The following FHIP1A variants were observed in gnomAD, a reference collection of about 807,000 sequenced individuals.
FHIP1A encodes FHF complex subunit HOOK interacting protein 1A.
In FHIP1A, 61 loss-of-function variants were observed where a neutral mutation model predicts 88.6. The observed-to-expected ratio is 0.69, with a 90% CI of 0.56 to 0.85. The LOEUF (loss-of-function observed/expected upper bound fraction) is 0.85. Among genes scored for constraint, FHIP1A ranks in the 40% least tolerant of loss-of-function variants. The pLI, the probability that FHIP1A is intolerant of heterozygous loss-of-function variation, is 0.00. For synonymous variants in FHIP1A, 478 were observed against 496.0 expected (o/e 0.96, Z 0.48); for missense variants, 1,154 against 1,273.5 (o/e 0.91, Z 1.43).
Position 151,577,685 on chromosome 4 carries a change from C to T in FHIP1A, c.341C>T (p.Thr114Ile), listed in dbSNP as rs1234148790. The T allele has an allele frequency of 6.4e-7, 1 of 1,551,592 alleles. No homozygotes were observed. Among genetic ancestry groups the T allele is most frequent in the African/African-American group, 1.4e-5 (1 of 73,108 alleles). ...WSLRREFTDETKIEQLKMYEM... is the reference protein window; with the variant it reads ...WSLRREFTDEIKIEQLKMYEM... Reference sequence around the variant, plus strand: ...TTGAGAAGGGAGTTTACTGATGAGACTAAAATTGAGCAGCTAAAGATGTAT... The same window carrying T: ...TTGAGAAGGGAGTTTACTGATGAGATTAAAATTGAGCAGCTAAAGATGTAT... The change falls in exon 5 of 14, where the codon ACT (threonine) becomes ATT (isoleucine). Residue 114 changes from threonine (T) to isoleucine (I), a missense_variant. Transcript: ENST00000435205.
rs56199696 is a variant in FHIP1A, at chr4:151,445,849, A to AATATAT, written c.-355-8833_-355-8828dup. On this transcript the variant is annotated intron_variant, in intron 1 of 13. Transcript: ENST00000435205. Reference sequence around the variant, plus strand: ...CAGCCTGAGAGACCTCATCTCTTAAAATATATATATATATATATATATATT... The same window carrying AATATAT: ...CAGCCTGAGAGACCTCATCTCTTAAAATATATATATATATATATATATATATATATT... Among the ~76,000 whole-genome samples, 564 of 97,994 alleles carry AATATAT rather than the reference A, an allele frequency of 5.8e-3. 29 individuals are homozygous for AATATAT. The highest frequency in any genetic ancestry group is 8.4e-3 in the Admixed American group (81 of 9,628). 64.3% of individuals were successfully genotyped at this position (97,994 alleles called of 152,430 possible). A position where few individuals can be genotyped will look rare whatever the true frequency, so the allele number is the denominator to read the frequency against.
chr4:151,577,700 TAAAG>T lies in FHIP1A; in HGVS notation c.358_361del (p.Lys120CysfsTer20), dbSNP rs1395087669. 1 of 1,551,658 alleles carries T rather than the reference TAAAG, an allele frequency of 6.4e-7. No homozygotes were observed. The highest frequency in any genetic ancestry group is 8.7e-7 in the Non-Finnish European group (1 of 1,146,980). On this transcript the variant is annotated frameshift_variant, in exon 5 of 14. Transcript: ENST00000435205. LOFTEE classifies it high-confidence loss of function. ...ACTGATGAGACTAAAATTGAGCAGC[TAAAG>T]ATGTATGAGATGTTGGTCACCCAGT... is the stretch of plus-strand genomic sequence containing the variant.
chr4:151,659,769 A>ACCT (rs1271089171), intron 13 of FHIP1A, among the ~76,000 whole-genome samples: 1 of 151,606 alleles, frequency 6.6e-6, no homozygotes, highest in African/African-American at 2.4e-5. Context: ...CATTCCCTTC[A>ACCT]CCTCCTGGCA....
At chr4:151,525,502 G>T (rs1317671704) in intron 3 of FHIP1A, among the ~76,000 whole-genome samples, 4 of 152,222 alleles carry the variant, frequency 2.6e-5, no homozygotes, top group Non-Finnish European at 5.9e-5. Context: ...TGAATTGGAA[G>T]TATTGGGGGA....
chr4:151,629,165 G>A (rs765561736), intron 7 of FHIP1A, among the ~76,000 whole-genome samples: 2 of 152,038 alleles, frequency 1.3e-5, no homozygotes, highest in African/African-American at 2.4e-5. Flanking sequence ...GAAACACATC[G>A]GAACATCTGT....
intron 6 of FHIP1A, among the ~76,000 whole-genome samples, chr4:151,588,044 T>G (rs931174677): frequency 2.6e-5 from 4 of 152,144 alleles, no homozygotes; most frequent in African/African-American, 9.6e-5. Context: ...TTTTCTTCTT[T>G]TTTTAAAGAA....
rs779263864 is a variant in FHIP1A at position 151,638,762 on chromosome 4, T to C, written c.1226+6T>C. The C allele has an allele frequency of 1.3e-6, 2 of 1,519,182 alleles. No homozygotes were observed. The highest frequency in any genetic ancestry group is 2.5e-5 in the East Asian group (1 of 40,504). 94.1% of individuals were successfully genotyped at this position (1,519,182 alleles called of 1,614,324 possible). Reference sequence around the variant, plus strand: ...ATGTTACAGCTAGTTCTAAGGTGAGTTGCCTTTTTTGTTTCCTTTAAAGAA... The same window carrying C: ...ATGTTACAGCTAGTTCTAAGGTGAGCTGCCTTTTTTGTTTCCTTTAAAGAA... On this transcript the variant is annotated splice_donor_region_variant and intron_variant, in intron 9 of 13. Transcript: ENST00000435205.
intron 3 of FHIP1A, among the ~76,000 whole-genome samples, chr4:151,517,286 A>AT (rs1553948792): frequency 2.0e-5 from 3 of 150,740 alleles, no homozygotes; most frequent in Non-Finnish European, 4.4e-5. Context: ...GGAACATCAC[A>AT]TCTGGGGACT....
At chr4:151,477,457 G>A (rs1476580557) in intron 2 of FHIP1A, among the ~76,000 whole-genome samples, 3 of 151,990 alleles carry the variant, frequency 2.0e-5, no homozygotes, top group Non-Finnish European at 4.4e-5. Context: ...ATGTACATAC[G>A]GCCCTTCTAA....
chr4:151,423,207 G>C (rs1255491484), intron 1 of FHIP1A, among the ~76,000 whole-genome samples: 2 of 152,154 alleles, frequency 1.3e-5, no homozygotes, highest in African/African-American at 4.8e-5. Context: ...TGCTTTAAGA[G>C]AAATGCCAGC....
At chr4:151,560,962 G>A (rs1322021354) in intron 3 of FHIP1A, among the ~76,000 whole-genome samples, 1 of 151,996 alleles carries the variant, frequency 6.6e-6, no homozygotes, top group African/African-American at 2.4e-5. Context: ...ATTTCAGATA[G>A]GAATTTGAAT....
intron 3 of FHIP1A, among the ~76,000 whole-genome samples, chr4:151,528,029 A>G (rs951529772): frequency 6.6e-6 from 1 of 152,166 alleles, no homozygotes; most frequent in African/African-American, 2.4e-5. Flanking sequence ...TATTTCTCAT[A>G]GCTTATTGAA....
At chr4:151,632,071 C>G (rs1254831304) in intron 8 of FHIP1A, among the ~76,000 whole-genome samples, 1 of 151,944 alleles carries the variant, frequency 6.6e-6, no homozygotes, top group Non-Finnish European at 1.5e-5. Flanking sequence ...GATCTAAGAA[C>G]ATGCATAAGC....
At chr4:151,534,718 C>G (rs533063958) in intron 3 of FHIP1A, 1 of 152,230 alleles carries the variant, frequency 6.6e-6, no homozygotes, top group East Asian at 1.9e-4. Flanking sequence ...AATCCAAGAA[C>G]AAGTTAATCC....
intron 3 of FHIP1A, among the ~76,000 whole-genome samples, chr4:151,539,334 C>A (rs1040909229): frequency 6.6e-6 from 1 of 152,122 alleles, no homozygotes; most frequent in African/African-American, 2.4e-5. Context: ...GTAATCCCAG[C>A]GCTTTGGGAG....
At chr4:151,618,273 C>T (rs189969297) in intron 7 of FHIP1A, among the ~76,000 whole-genome samples, 23 of 152,296 alleles carry the variant, frequency 1.5e-4, no homozygotes, top group Admixed American at 4.6e-4. Context: ...TTGAGATTAG[C>T]ACTTAGTTTT....
intron 11 of FHIP1A, among the ~76,000 whole-genome samples, chr4:151,655,058 T>C (rs1737180043): frequency 6.6e-6 from 1 of 152,248 alleles, no homozygotes; most frequent in African/African-American, 2.4e-5. Context: ...GGTTTTACTC[T>C]CTTATGCTAC....
At chr4:151,586,344 T>C (rs867629068) in intron 5 of FHIP1A, among the ~76,000 whole-genome samples, 1 of 152,180 alleles carries the variant, frequency 6.6e-6, no homozygotes, top group African/African-American at 2.4e-5. Flanking sequence ...CGTGTACTCC[T>C]CCTACACCTA....
At chr4:151,441,908 A>G (rs1414525470) in intron 1 of FHIP1A, among the ~76,000 whole-genome samples, 3 of 152,166 alleles carry the variant, frequency 2.0e-5, no homozygotes, top group African/African-American at 7.2e-5. Flanking sequence ...AAAGACATTA[A>G]TTTGTTCATT....
Sources: gnomAD v4.1 joint callset for allele counts (sites outside exome capture counted in the v4.1 genomes callset) on GRCh38, gnomAD v4.1.1 for gene constraint, MANE v1.5 for transcripts, NCBI Gene and HGNC (gene_info 2026-07-23, HGNC 2026-07-21) for gene names.